Variants in MCC observed in about 807,000 individuals in gnomAD.
The protein encoded by MCC is colorectal mutant cancer protein.
MCC carries 90 observed loss-of-function variants against 116.2 expected under a neutral mutation model. That is an observed-to-expected ratio of 0.77 (90% CI 0.65 to 0.92). The LOEUF is 0.92. Among genes scored for constraint, MCC ranks in the 40% least tolerant of loss-of-function variants. The probability of loss-of-function intolerance (pLI) is 0.00; values close to 1 mark genes in which losing one functional copy is unlikely to be tolerated. For missense variants in MCC, 1,516 were observed against 1,312.2 expected (o/e 1.16, Z -2.40); for synonymous variants, 578 against 510.5 (o/e 1.13, Z -1.78).
intron 3 of MCC, among the ~76,000 whole-genome samples, chr5:113,302,505 T>C (rs1418670935): frequency 6.6e-6 from 1 of 152,210 alleles, no homozygotes; most frequent in Non-Finnish European, 1.5e-5. Context: ...AGAAATATAC[T>C]TTTTGGATAT....
At chr5:113,071,271 A>G in intron 11 of MCC, 37 bp from the exon 12 acceptor site, 1 of 1,598,398 alleles carries the variant, frequency 6.3e-7, no homozygotes, top group Non-Finnish European at 8.5e-7. Context: ...CACTAGGGTT[A>G]CAGTTAATTT....
Position 113,189,871 on chromosome 5 carries a change from C to T in MCC, c.628-38449G>A, listed in dbSNP as rs192042023. On this transcript the variant is annotated intron_variant, in intron 3 of 18. Coordinates refer to ENST00000408903, the MANE Select transcript of MCC (RefSeq NM_001085377.2). ...CACCTATAAAAAGCCCAGTAACCAC[C>T]ATTACCAGTGAAGCTATATAACATT... Among the ~76,000 whole-genome samples, 34 of 152,296 alleles carry T rather than the reference C, an allele frequency of 2.2e-4. No homozygotes were observed. In the East Asian group the frequency reaches 5.2e-3, roughly 23 times the overall value.
chr5:113,350,104 C>T (rs967766238), intron 2 of MCC, among the ~76,000 whole-genome samples: 4 of 152,000 alleles, frequency 2.6e-5, no homozygotes, highest in African/African-American at 4.8e-5. Context: ...TATTGTTAAA[C>T]TGTCCATACT....
intron 3 of MCC, among the ~76,000 whole-genome samples, chr5:113,222,093 A>C (rs527995655): frequency 1.3e-5 from 2 of 152,146 alleles, no homozygotes; most frequent in Admixed American, 6.5e-5. Context: ...CTCTATTCTT[A>C]AATTCCTGAG....
chr5:113,257,835 T>A (rs532727464), intron 3 of MCC, among the ~76,000 whole-genome samples: 1 of 152,134 alleles, frequency 6.6e-6, no homozygotes, highest in East Asian at 1.9e-4. Flanking sequence ...CAATACCACA[T>A]GTTCCCGAGG....
At chr5:113,188,817 T>A (rs1278885354) in intron 3 of MCC, among the ~76,000 whole-genome samples, 1 of 152,172 alleles carries the variant, frequency 6.6e-6, no homozygotes, top group African/African-American at 2.4e-5. Context: ...GAGCCAGGAA[T>A]TGAGGTGTCT....
At chr5:113,039,285 G>A (rs1751526202) in intron 17 of MCC, among the ~76,000 whole-genome samples, 1 of 152,166 alleles carries the variant, frequency 6.6e-6, no homozygotes, top group African/African-American at 2.4e-5. Context: ...CTGGCCTCCA[G>A]GGATGCTCCT....
intron 3 of MCC, among the ~76,000 whole-genome samples, chr5:113,157,004 G>C (rs879282099): frequency 6.6e-6 from 1 of 152,170 alleles, no homozygotes; most frequent in African/African-American, 2.4e-5. Context: ...TCTCCCAGGG[G>C]TATCTCCTTT....
At chr5:113,095,561 C>G (rs1755952651) in intron 8 of MCC, among the ~76,000 whole-genome samples, 1 of 151,930 alleles carries the variant, frequency 6.6e-6, no homozygotes, top group Non-Finnish European at 1.5e-5. Context: ...CTATTATTAC[C>G]CAGGTTGGAG....
At chr5:113,101,188 T>A (rs1756385140) in intron 8 of MCC, among the ~76,000 whole-genome samples, 1 of 151,984 alleles carries the variant, frequency 6.6e-6, no homozygotes, top group South Asian at 2.1e-4. Context: ...GACACACACA[T>A]AACATGCACA....
At chr5:113,287,616 C>T (rs796245391) in intron 3 of MCC, among the ~76,000 whole-genome samples, 211 of 152,308 alleles carry the variant, frequency 1.4e-3, no homozygotes, top group African/African-American at 4.9e-3. Flanking sequence ...TGAGCCACCA[C>T]GCCCAGCCCA....
intron 3 of MCC, among the ~76,000 whole-genome samples, chr5:113,168,467 A>G (rs1028544222): frequency 3.3e-5 from 5 of 152,216 alleles, no homozygotes; most frequent in African/African-American, 1.2e-4. Flanking sequence ...TTTTATTAAA[A>G]ACTTGACTAA....
At chr5:113,412,808 G>A (rs899999292) in intron 1 of MCC, among the ~76,000 whole-genome samples, 2 of 152,178 alleles carry the variant, frequency 1.3e-5, no homozygotes, top group African/African-American at 4.8e-5. Context: ...CAAACACTAT[G>A]TTGAATAGGA....
At chr5:113,399,723 C>T (rs1183438276) in intron 1 of MCC, among the ~76,000 whole-genome samples, 2 of 152,088 alleles carry the variant, frequency 1.3e-5, no homozygotes, top group African/African-American at 4.8e-5. Flanking sequence ...GTCCAAATCA[C>T]CATCCCCTTA....
chr5:113,400,700 G>T (rs1459940568), intron 1 of MCC, among the ~76,000 whole-genome samples: 1 of 151,918 alleles, frequency 6.6e-6, no homozygotes, highest in African/African-American at 2.4e-5. Context: ...CATTTTACAG[G>T]GTCTATCAGT....
At chr5:113,166,603 A>G (rs954395401) in intron 3 of MCC, among the ~76,000 whole-genome samples, 2 of 151,568 alleles carry the variant, frequency 1.3e-5, no homozygotes, top group African/African-American at 4.8e-5. Context: ...TCTTCGTAAT[A>G]GAGTTTAAAT....
At chr5:113,103,411 T>C (rs1756548976) in intron 7 of MCC, among the ~76,000 whole-genome samples, 2 of 152,158 alleles carry the variant, frequency 1.3e-5, no homozygotes, top group Non-Finnish European at 2.9e-5. Flanking sequence ...TACAATCAAA[T>C]ATAGGGCCCA....
At chr5:113,097,553 A>G (rs1164246330) in intron 8 of MCC, among the ~76,000 whole-genome samples, 4 of 152,236 alleles carry the variant, frequency 2.6e-5, no homozygotes, top group African/African-American at 9.6e-5. Flanking sequence ...AATATAAAGT[A>G]CTATTTTGCA....
chr5:113,241,858 T>C (rs1228661965), intron 3 of MCC, among the ~76,000 whole-genome samples: 3 of 152,170 alleles, frequency 2.0e-5, no homozygotes, highest in South Asian at 4.1e-4. Flanking sequence ...GACATTCAGA[T>C]TGACAAACAC....
Sources: gnomAD v4.1 joint callset for allele counts (sites outside exome capture counted in the v4.1 genomes callset) on GRCh38, gnomAD v4.1.1 for gene constraint, MANE v1.5 for transcripts, NCBI Gene and HGNC (gene_info 2026-07-23, HGNC 2026-07-21) for gene names.